Variants in NFIL3 observed in about 807,000 individuals in gnomAD.
NFIL3 encodes the protein nuclear factor interleukin-3-regulated protein.
A neutral mutation model predicts 10.0 loss-of-function variants in NFIL3; 5 were observed. That is an observed-to-expected ratio of 0.50 (90% confidence interval 0.26 to 1.06). The LOEUF (loss-of-function observed/expected upper bound fraction) is 1.06. Among genes scored for constraint, NFIL3 ranks in the 50% least tolerant of loss-of-function variants. The pLI, the probability that NFIL3 is intolerant of heterozygous loss-of-function variation, is 0.13. For missense variants in NFIL3, 436 were observed against 547.6 expected (o/e 0.80, Z 2.03); for synonymous variants, 202 against 206.5 (o/e 0.98, Z 0.19).
Position 91,410,494 on chromosome 9 carries a change from G to A in NFIL3, c.241C>T (p.Arg81Trp). 2 of 1,613,922 alleles carry A rather than the reference G, an allele frequency of 1.2e-6. No homozygotes were observed. The highest frequency in any genetic ancestry group is 2.2e-5 in the East Asian group (1 of 44,876). The stretch of plus-strand genomic sequence containing the variant: ...CTTTTGGCAGCTTCATTATTTTTCC[G>A]CCTTTTTTCCCAATACATAGCATCT... ...KKDAMYWEKRRKNNEAAKRSR... is the reference protein window; with the variant it reads ...KKDAMYWEKRWKNNEAAKRSR... The change falls in exon 2 of 2, where the codon CGG (arginine) becomes TGG (tryptophan). Residue 81 changes from arginine to tryptophan, a missense_variant. Around this residue, in one of 3 missense-constraint regions of NFIL3, gnomAD observed 22 missense variants for 74.7 expected, o/e 0.29. Coordinates refer to ENST00000297689, the MANE Select transcript of NFIL3 (RefSeq NM_005384.3). The surrounding 1 kb of genome is among the most constrained non-coding windows in gnomAD (Gnocchi z 5.7).
At chr9:91,428,066 T>C (rs1833889045), upstream of NFIL3, among the ~76,000 whole-genome samples, 1 of 152,168 alleles carries the variant, frequency 6.6e-6, no homozygotes, top group Admixed American at 6.5e-5. Flanking sequence ...ATGCAATGAG[T>C]CATTGACTGT....
the NFIL3 span, among the ~76,000 whole-genome samples, chr9:91,467,151 T>G: frequency 6.6e-6 from 1 of 152,018 alleles, no homozygotes; most frequent in African/African-American, 2.4e-5. Context: ...AATATCTCTC[T>G]CTGTCTTTAT....
At chr9:91,449,513 C>G in the NFIL3 span, among the ~76,000 whole-genome samples, 2 of 152,068 alleles carry the variant, frequency 1.3e-5, no homozygotes, top group Non-Finnish European at 1.5e-5. Flanking sequence ...ACATTTACTG[C>G]TTTTCTTATG....
the NFIL3 span, among the ~76,000 whole-genome samples, chr9:91,436,205 C>T: frequency 6.6e-6 from 1 of 152,344 alleles, no homozygotes; most frequent in Non-Finnish European, 1.5e-5. Flanking sequence ...AAACAGGATA[C>T]AGCCACCTTC....
At chr9:91,452,896 A>T in the NFIL3 span, among the ~76,000 whole-genome samples, 10 of 151,964 alleles carry the variant, frequency 6.6e-5, 2 homozygotes, top group African/African-American at 2.4e-4. Flanking sequence ...TGGCAAAATA[A>T]ACTTTCTAAA....
At chr9:91,446,304 C>T in the NFIL3 span, among the ~76,000 whole-genome samples, 1 of 152,310 alleles carries the variant, frequency 6.6e-6, no homozygotes, top group South Asian at 2.1e-4. Context: ...TCTACGTAGC[C>T]ATACTGGATT....
At chr9:91,470,370 T>A in the NFIL3 span, among the ~76,000 whole-genome samples, 1 of 144,854 alleles carries the variant, frequency 6.9e-6, no homozygotes, top group Non-Finnish European at 1.5e-5. Flanking sequence ...GTGGGATAGG[T>A]GGTGATATCC....
the NFIL3 span, among the ~76,000 whole-genome samples, chr9:91,476,254 A>G: frequency 6.6e-6 from 1 of 152,228 alleles, no homozygotes; most frequent in Non-Finnish European, 1.5e-5. Context: ...AAAATGATGC[A>G]AAACCAAATC....
At chr9:91,450,709 T>C in the NFIL3 span, among the ~76,000 whole-genome samples, 2 of 152,204 alleles carry the variant, frequency 1.3e-5, no homozygotes, top group Admixed American at 6.5e-5. Context: ...TGTGTATGTA[T>C]GTTAGGTCTA....
chr9:91,467,475 C>A, the NFIL3 span, among the ~76,000 whole-genome samples: 1 of 152,092 alleles, frequency 6.6e-6, no homozygotes, highest in African/African-American at 2.4e-5. Flanking sequence ...ATGTATACTG[C>A]AGCCTTGCTA....
chr9:91,434,696 C>T, the NFIL3 span, among the ~76,000 whole-genome samples: 1 of 152,078 alleles, frequency 6.6e-6, no homozygotes, highest in Non-Finnish European at 1.5e-5. Flanking sequence ...GTTAAGCACT[C>T]TTATAAATTT....
At chr9:91,456,535 A>C in the NFIL3 span, among the ~76,000 whole-genome samples, 1 of 152,058 alleles carries the variant, frequency 6.6e-6, no homozygotes, top group Admixed American at 6.6e-5. Context: ...AAGTGTTGAC[A>C]CAATTTTTTT....
Position 91,409,420 on chromosome 9 carries a change from T to C in NFIL3, c.1315A>G (p.Asn439Asp). Reference sequence around the variant, plus strand: ...AGTGAGACAACCTCTGCAGATAAGTTTGCTATCCCCTGCTTCAAATACAAG... The same window carrying C: ...AGTGAGACAACCTCTGCAGATAAGTCTGCTATCCCCTGCTTCAAATACAAG... ...ENLYLKQGIANLSAEVVSLKR... is the reference protein window; with the variant it reads ...ENLYLKQGIADLSAEVVSLKR... Residue 439 changes from asparagine (N) to aspartate (D), a missense_variant, in exon 2 of 2, where the codon AAC becomes GAC. By Grantham distance (23) the Asn-to-Asp change is conservative. Transcript: ENST00000297689. 2 of 1,613,712 alleles carry C rather than the reference T, an allele frequency of 1.2e-6. No individual in the cohort carries two copies. Among genetic ancestry groups the C allele is most frequent in the East Asian group, 4.5e-5 (2 of 44,896 alleles).
At chr9:91,479,764 A>G in the NFIL3 span, among the ~76,000 whole-genome samples, 1 of 152,066 alleles carries the variant, frequency 6.6e-6, no homozygotes, top group Non-Finnish European at 1.5e-5. Flanking sequence ...TGTGCTTGAA[A>G]CCCAGGGCCC....
the NFIL3 span, among the ~76,000 whole-genome samples, chr9:91,458,443 TCTC>T: frequency 6.6e-6 from 1 of 152,058 alleles, no homozygotes; most frequent in Non-Finnish European, 1.5e-5. Context: ...TTCATAGTAT[TCTC>T]CTGTTTTGCT....
At chr9:91,444,021 T>C in the NFIL3 span, among the ~76,000 whole-genome samples, 1 of 148,600 alleles carries the variant, frequency 6.7e-6, no homozygotes, top group Non-Finnish European at 1.5e-5. Context: ...ATAAGCTTTC[T>C]GTCCCTGTTT....
the NFIL3 span, among the ~76,000 whole-genome samples, chr9:91,464,140 A>G: frequency 6.6e-6 from 1 of 152,082 alleles, no homozygotes; most frequent in Admixed American, 6.6e-5. Flanking sequence ...ATGCATGTTT[A>G]AAGTCATTAT....
chr9:91,438,945 A>C, the NFIL3 span, among the ~76,000 whole-genome samples: 3 of 152,322 alleles, frequency 2.0e-5, no homozygotes, highest in Middle Eastern at 3.4e-3. Context: ...AATATAATTT[A>C]AGATCAGAAA....
the NFIL3 span, among the ~76,000 whole-genome samples, chr9:91,454,434 T>C: frequency 7.4e-4 from 112 of 152,192 alleles, no homozygotes; most frequent in Non-Finnish European, 1.2e-3. Context: ...AAAAAAATGC[T>C]ACAGTAAAAC....
Sources: allele counts gnomAD v4.1 joint callset (sites outside exome capture counted in the v4.1 genomes callset), GRCh38; gene constraint gnomAD v4.1.1; regional missense constraint gnomAD v4.1.1; non-coding constraint Gnocchi (gnomAD v3.1); transcripts MANE v1.5; gene names NCBI Gene and HGNC (gene_info 2026-07-23, HGNC 2026-07-21).